NFE2L3: variants seen among roughly 807,000 people sequenced by gnomAD.
NFE2L3 encodes the protein NFE2 like bZIP transcription factor 3, also known as nuclear factor erythroid 2-related factor 3.
A neutral mutation model predicts 23.5 loss-of-function variants in NFE2L3; 18 were observed. The ratio of observed to expected loss-of-function variants is 0.77; its 90% CI spans 0.53 to 1.13. The LOEUF (loss-of-function observed/expected upper bound fraction) is 1.13. NFE2L3 is among the 50% of genes most tolerant of loss of function. NFE2L3 has a pLI of 0.00. For synonymous variants in NFE2L3, 424 were observed against 354.5 expected, an observed-to-expected ratio of 1.20 and a Z score of -2.20; for missense variants, 1,152 against 877.2, an observed-to-expected ratio of 1.31 and a Z score of -3.96.
chr7:26,169,152 A>G (rs1252440249), intron 1 of NFE2L3, among the ~76,000 whole-genome samples: 1 of 152,200 alleles, frequency 6.6e-6, no homozygotes, highest in Non-Finnish European at 1.5e-5. Context: ...TACAGTAGTA[A>G]ATCCTCCACT....
chr7:26,185,575 A>T lies in NFE2L3; in HGVS notation c.1877A>T (p.Gln626Leu). ...GAAACTCTTAAGAGAGAGCAAGCAC[A>T]ATGTAACAAAGCTATTAACATAATG... ...KKETLKREQA[Q>L]CNKAINIMKQ... Residue 626 changes from glutamine (Q) to leucine (L), a missense_variant, in exon 4 of 4, where the codon CAA becomes CTA. Gln to Leu is a moderately radical substitution (Grantham distance 113, BLOSUM62 -2). Coordinates refer to ENST00000056233, the MANE Select transcript of NFE2L3 (RefSeq NM_004289.7). The T allele has an allele frequency of 6.2e-7, 1 of 1,613,832 alleles. No individual in the cohort carries two copies. Among genetic ancestry groups the T allele is most frequent in the Non-Finnish European group, 8.5e-7 (1 of 1,179,764 alleles).
chr7:26,175,568 G>C (rs1251666447), intron 1 of NFE2L3, among the ~76,000 whole-genome samples: 1 of 152,018 alleles, frequency 6.6e-6, no homozygotes, highest in Non-Finnish European at 1.5e-5. Context: ...ACGAGGTCAG[G>C]AGATCGAGAC....
intron 2 of NFE2L3, among the ~76,000 whole-genome samples, chr7:26,180,257 G>C (rs1437470267): frequency 1.3e-5 from 2 of 152,194 alleles, no homozygotes; most frequent in South Asian, 2.1e-4. Flanking sequence ...TGAAGGGGAG[G>C]GGGTAGAGAG....
chr7:26,177,287 A>G (rs559106676), intron 1 of NFE2L3, among the ~76,000 whole-genome samples: 1 of 152,186 alleles, frequency 6.6e-6, no homozygotes, highest in Non-Finnish European at 1.5e-5. Context: ...AGATCATGCC[A>G]CTGCACTCCA....
At position 26,152,407 on chromosome 7, in the gene NFE2L3, G is replaced by A. The variant is rs981229836; in HGVS notation, c.-92G>A. 5 of 933,256 alleles carry A rather than the reference G, an allele frequency of 5.4e-6. No homozygotes were observed. In the African/African-American group the frequency reaches 8.7e-5, roughly 16 times the overall value. 57.8% of individuals were successfully genotyped at this position (933,256 alleles called of 1,614,324 possible). A position where few individuals can be genotyped will look rare whatever the true frequency, so the allele number is the denominator to read the frequency against. Reference sequence around the variant, plus strand: ...CTTATCTGGGTTCCAGGCAGGTGCGGGCGGCGCGCGGGGTCCGCACGTGTC... The same window carrying A: ...CTTATCTGGGTTCCAGGCAGGTGCGAGCGGCGCGCGGGGTCCGCACGTGTC... On this transcript the variant is annotated 5_prime_UTR_variant, in exon 1 of 4. Coordinates refer to ENST00000056233, the MANE Select transcript of NFE2L3 (RefSeq NM_004289.7). This position sits in a 1 kb window ranked among gnomAD's most constrained non-coding sequence, Gnocchi z 4.4.
chr7:26,152,371 C>G lies in NFE2L3; in HGVS notation c.-128C>G. 1.7e-6 allele frequency: 1 copy of G among 578,402 alleles called. No homozygotes were observed. The allele number at this position is 578,402 out of a possible 1,614,324, so 35.8% of individuals were successfully genotyped here. On this transcript the variant is annotated 5_prime_UTR_variant, in exon 1 of 4. Transcript: ENST00000056233. This position sits in a 1 kb window ranked among gnomAD's most constrained non-coding sequence, Gnocchi z 4.4. ...CGCGACGGCCGCCACGCGCCCCGGT[C>G]CATTGTTTCGCTTATCTGGGTTCCA...
chr7:26,183,225 G>C (rs1204406351), intron 2 of NFE2L3, among the ~76,000 whole-genome samples: 1 of 151,946 alleles, frequency 6.6e-6, no homozygotes, highest in Non-Finnish European at 1.5e-5. Flanking sequence ...GGACTTTTAA[G>C]TATGCATGTT....
At chr7:26,165,647 C>T (rs969840769) in intron 1 of NFE2L3, among the ~76,000 whole-genome samples, 1 of 152,144 alleles carries the variant, frequency 6.6e-6, no homozygotes, top group Non-Finnish European at 1.5e-5. Context: ...ATTTCCTTCT[C>T]CTGCCTGATT....
Position 26,185,833 on chromosome 7 carries a change from C to G in NFE2L3, c.*50C>G. On this transcript the variant is annotated 3_prime_UTR_variant, in exon 4 of 4. Transcript: ENST00000056233. ...TATGTGAAGTAGTAATGTTCAGAAA[C>G]TGATTATTTGGATCAGAAACCATTG... The G allele has an allele frequency of 7.0e-7, 1 of 1,427,964 alleles. No individual in the cohort carries two copies. The highest frequency in any genetic ancestry group is 1.4e-5 in the South Asian group (1 of 72,010). The allele number at this position is 1,427,964 out of a possible 1,614,324, so 88.5% of individuals were successfully genotyped here.
chr7:26,184,110 C>T (rs1167578013), intron 3 of NFE2L3: 1 of 375,618 alleles, frequency 2.7e-6, no homozygotes, highest in Non-Finnish European at 4.8e-6. Context: ...CAGCAATATT[C>T]ACAATAGCCT....
At chr7:26,184,413 C>A in intron 3 of NFE2L3, 120 bp from the exon 4 acceptor site, 1 of 864,696 alleles carries the variant, frequency 1.2e-6, no homozygotes. Context: ...CTGCCAACAG[C>A]ATCTATCTCT....
At chr7:26,163,050 G>A (rs769844584) in intron 1 of NFE2L3, among the ~76,000 whole-genome samples, 3 of 152,088 alleles carry the variant, frequency 2.0e-5, no homozygotes, top group Admixed American at 6.5e-5. Context: ...AGAAAATGGA[G>A]GTGGATAATG....
At chr7:26,171,618 T>C (rs151306362) in intron 1 of NFE2L3, among the ~76,000 whole-genome samples, 1 of 152,294 alleles carries the variant, frequency 6.6e-6, no homozygotes, top group African/African-American at 2.4e-5. Flanking sequence ...ATTCGGATAT[T>C]ATCTATGCCT....
chr7:26,185,549 G>A lies in NFE2L3; in HGVS notation c.1851G>A (p.Lys617=). 1.9e-6 allele frequency: 3 copies of A among 1,613,800 alleles called. No homozygotes were observed. Among genetic ancestry groups the A allele is most frequent in the Middle Eastern group, 1.7e-4 (1 of 6,056 alleles). The change falls in exon 4 of 4, where the codon AAG becomes AAA. Residue 617 remains lysine, a synonymous_variant. Transcript: ENST00000056233. ...ATGTATGTAACTTGCAAGCAAAGAA[G>A]GAAACTCTTAAGAGAGAGCAAGCAC... ...EDDVCNLQAK[K]ETLKREQAQC... is the part of the protein sequence containing the mutation.
chr7:26,186,863 TTCACTA>T lies in NFE2L3; in HGVS notation c.*1081_*1086del, dbSNP rs1406017426. On this transcript the variant is annotated 3_prime_UTR_variant, in exon 4 of 4. Transcript: ENST00000056233. ...ATTTGAAATGAAAACCTCACTTAAG[TTCACTA>T]GAACAGTAAACAGGAGATTGCTGAA... is the stretch of plus-strand genomic sequence containing the variant. 6.6e-6 allele frequency: 1 copy of T among 152,184 alleles called. No individual in the cohort carries two copies. The highest frequency in any genetic ancestry group is 1.9e-4 in the East Asian group (1 of 5,188). 9.4% of individuals were successfully genotyped at this position (152,184 alleles called of 1,614,324 possible).
chr7:26,155,564 CATTA>C (rs147786908), intron 1 of NFE2L3, among the ~76,000 whole-genome samples: 2,573 of 152,280 alleles, frequency 0.017, 78 homozygotes, highest in African/African-American at 0.058. Flanking sequence ...CAGACTGGCA[CATTA>C]ATTAAGTACC....
chr7:26,172,396 T>C (rs1269758158), intron 1 of NFE2L3, among the ~76,000 whole-genome samples: 4 of 152,256 alleles, frequency 2.6e-5, no homozygotes, highest in Non-Finnish European at 4.4e-5. Flanking sequence ...ATATGTGAAT[T>C]GAAACCATTG....
In NFE2L3 at chr7:26,184,896, G is replaced by T; in HGVS notation, c.1198G>T (p.Glu400Ter). 6.2e-7 allele frequency: 1 copy of T among 1,613,932 alleles called. No homozygotes were observed. The highest frequency in any genetic ancestry group is 8.5e-7 in the Non-Finnish European group (1 of 1,179,846). ...DEINLMSLAT[E>*]DNFDPIDVSQ... The stretch of plus-strand genomic sequence containing the variant: ...GATAAACTTAATGTCATTGGCCACA[G>T]AAGACAACTTTGATCCAATCGATGT... The change falls in exon 4 of 4, where the codon GAA (glutamate) becomes TAA (stop). Residue 400 changes from glutamate to a stop codon, truncating the protein, a stop_gained. Transcript: ENST00000056233. LOFTEE classifies it low-confidence loss of function (END_TRUNC).
intron 1 of NFE2L3, among the ~76,000 whole-genome samples, chr7:26,157,127 A>G (rs993926011): frequency 2.0e-5 from 3 of 151,506 alleles, no homozygotes; most frequent in Non-Finnish European, 4.4e-5. Flanking sequence ...AAAAAAAAAG[A>G]AAAGAAACTG....
Sources: allele counts gnomAD v4.1 joint callset (sites outside exome capture counted in the v4.1 genomes callset), GRCh38; gene constraint gnomAD v4.1.1; non-coding constraint Gnocchi (gnomAD v3.1); transcripts MANE v1.5; gene names NCBI Gene and HGNC (gene_info 2026-07-23, HGNC 2026-07-21).